RASGRP2: variants seen among roughly 807,000 people sequenced by gnomAD.
RASGRP2 encodes the protein RAS guanyl releasing protein 2.
Under a neutral mutation model 71.0 loss-of-function variants are expected in RASGRP2, and 44 were observed. That is an observed-to-expected ratio of 0.62 (90% CI 0.49 to 0.80). The LOEUF (loss-of-function observed/expected upper bound fraction) is 0.80, where lower values mean the gene tolerates loss of function less well. Among genes scored for constraint, RASGRP2 ranks in the 30% least tolerant of loss-of-function variants. RASGRP2 has a pLI of 0.00. For synonymous variants in RASGRP2, 350 were observed against 330.7 expected (o/e 1.06, Z -0.63); for missense variants, 663 against 813.4 (o/e 0.82, Z 2.25).
rs2135802976 is a variant in RASGRP2 at position 64,743,065 on chromosome 11, C to T, written c.-71-128G>A. The T allele has an allele frequency of 3.7e-6, 4 of 1,095,326 alleles. No homozygotes were observed. The highest frequency in any genetic ancestry group is 5.4e-6 in the Non-Finnish European group (4 of 747,360). The allele number at this position is 1,095,326 out of a possible 1,614,324, so 67.9% of individuals were successfully genotyped here. A position where few individuals can be genotyped will look rare whatever the true frequency, so the allele number is the denominator to read the frequency against. On this transcript the variant is annotated intron_variant, in intron 1 of 16. Coordinates refer to ENST00000394432, the MANE Select transcript of RASGRP2 (RefSeq NM_001098671.2). The surrounding 1 kb of genome is among the most constrained non-coding windows in gnomAD (Gnocchi z 4.9). ...GGCGGAGTTGTCCCCCGCGGCCACTCCCGGGGTTAAACGGTCTGGCCCGGG... is the reference window on the plus strand; with the variant it reads ...GGCGGAGTTGTCCCCCGCGGCCACTTCCGGGGTTAAACGGTCTGGCCCGGG...
rs1309748634 is a variant in RASGRP2 at position 64,735,455 on chromosome 11, G to T, written c.1296+87C>A. ...TCCTAGGGGCTGAGTGCTGGGTCTTGAACAGGACACTCGTGCTGGCTTCCA... is the reference window on the plus strand; with the variant it reads ...TCCTAGGGGCTGAGTGCTGGGTCTTTAACAGGACACTCGTGCTGGCTTCCA... On this transcript the variant is annotated intron_variant, in intron 11 of 16. Coordinates refer to ENST00000394432, the MANE Select transcript of RASGRP2 (RefSeq NM_001098671.2). The surrounding 1 kb of genome is among the most constrained non-coding windows in gnomAD (Gnocchi z 4.2). The T allele has an allele frequency of 2.5e-6, 4 of 1,603,334 alleles. No homozygotes were observed. The highest frequency in any genetic ancestry group is 1.7e-6 in the Non-Finnish European group (2 of 1,176,412).
Position 64,742,123 on chromosome 11 carries a change from A to C in RASGRP2, c.74-11T>G. On this transcript the variant is annotated splice_polypyrimidine_tract_variant and intron_variant, in intron 2 of 16. Coordinates refer to ENST00000394432, the MANE Select transcript of RASGRP2 (RefSeq NM_001098671.2). This position sits in a 1 kb window ranked among gnomAD's most constrained non-coding sequence, Gnocchi z 4.7. ...CCTTCCCGGAGTCATCTGACTCCGA[A>C]GGGTCAAAGACAGGTGGCTGAGCTG... is the stretch of plus-strand genomic sequence containing the variant. 1 of 1,570,948 alleles carries C rather than the reference A, an allele frequency of 6.4e-7. No individual in the cohort carries two copies. The highest frequency in any genetic ancestry group is 8.6e-7 in the Non-Finnish European group (1 of 1,157,180).
At chr11:64,727,186 A>G (rs2057590246) in intron 16 of RASGRP2, 55 bp from the exon 17 acceptor site, 2 of 898,154 alleles carry the variant, frequency 2.2e-6, no homozygotes, top group South Asian at 1.4e-5. Flanking sequence ...ACAAGGTAGT[A>G]GCCCACCTGG....
Position 64,742,684 on chromosome 11 carries a change from C to A in RASGRP2, c.73+110G>T. ...GTTAAAGAGACTGCACGCTGCGGAGCAGGGTGGGTCCGGGTCAGGGCTGTG... is the reference window on the plus strand; with the variant it reads ...GTTAAAGAGACTGCACGCTGCGGAGAAGGGTGGGTCCGGGTCAGGGCTGTG... On this transcript the variant is annotated intron_variant, in intron 2 of 16. Coordinates refer to ENST00000394432, the MANE Select transcript of RASGRP2 (RefSeq NM_001098671.2). The surrounding 1 kb of genome is among the most constrained non-coding windows in gnomAD (Gnocchi z 4.7). The A allele has an allele frequency of 7.1e-7, 1 of 1,414,232 alleles. No homozygotes were observed. The highest frequency in any genetic ancestry group is 1.2e-5 in the South Asian group (1 of 81,386). 87.6% of individuals were successfully genotyped at this position (1,414,232 alleles called of 1,614,324 possible).
intron 15 of RASGRP2, among the ~76,000 whole-genome samples, chr11:64,728,592 TA>T (rs1270470284): frequency 6.6e-6 from 1 of 151,820 alleles, no homozygotes; most frequent in Non-Finnish European, 1.5e-5. Flanking sequence ...CACGCCTGGC[TA>T]ATTTTTTTTT....
chr11:64,741,942 T>C (rs565095524), intron 3 of RASGRP2, 68 bp downstream of exon 3: 3 of 1,356,008 alleles, frequency 2.2e-6, no homozygotes, highest in South Asian at 1.2e-5. Flanking sequence ...ATTCTGCACC[T>C]GGGCTGGGCA....
rs905951030 is a variant in RASGRP2 at position 64,735,789 on chromosome 11, C to T, written c.1173+114G>A. On this transcript the variant is annotated intron_variant, in intron 10 of 16. Transcript: ENST00000394432. The surrounding 1 kb of genome is among the most constrained non-coding windows in gnomAD (Gnocchi z 4.2). ...ACACTACTGCCCTACCCCCAGGATG[C>T]CTCTGTCCTACAAGATGGATGGGTG... The T allele has an allele frequency of 1.4e-6, 2 of 1,474,938 alleles. No individual in the cohort carries two copies. Among genetic ancestry groups the T allele is most frequent in the Non-Finnish European group, 1.9e-6 (2 of 1,076,776 alleles). 91.4% of individuals were successfully genotyped at this position (1,474,938 alleles called of 1,614,324 possible).
rs1381389618 is a variant in RASGRP2, at chr11:64,737,033, A to G, written c.815T>C (p.Leu272Pro). The change falls in exon 9 of 17, where the codon CTC becomes CCC. Residue 272 changes from leucine (L) to proline (P), a missense_variant and splice_region_variant. Physicochemically the swap from Leu to Pro is moderately conservative, Grantham distance 98. Transcript: ENST00000394432. ...CACTAGTTCCGTGAGACCCTCCCAG[A>G]GCTGGGGACAAAGGACAGAGGAGTC... is the stretch of plus-strand genomic sequence containing the variant. ...HSHVSPETIK[L>P]WEGLTELVTA... is the part of the protein sequence containing the mutation. 6.2e-7 allele frequency: 1 copy of G among 1,613,752 alleles called. No homozygotes were observed. Among genetic ancestry groups the G allele is most frequent in the South Asian group, 1.1e-5 (1 of 91,062 alleles).
Position 64,742,163 on chromosome 11 carries a change from A to G in RASGRP2, c.74-51T>C, listed in dbSNP as rs752437156. The G allele has an allele frequency of 5.6e-5, 79 of 1,416,108 alleles. No individual in the cohort carries two copies. In the East Asian group the frequency reaches 1.9e-3, roughly 33 times the overall value. 87.7% of individuals were successfully genotyped at this position (1,416,108 alleles called of 1,614,324 possible). On this transcript the variant is annotated intron_variant, in intron 2 of 16. Coordinates refer to ENST00000394432, the MANE Select transcript of RASGRP2 (RefSeq NM_001098671.2). The surrounding 1 kb of genome is among the most constrained non-coding windows in gnomAD (Gnocchi z 4.7). ...TGGCTGAGCTGGGTCCGCAGCTACC[A>G]TGCCTCATCCTCACCCCGCAACCCG...
rs1322370201 is a variant in RASGRP2, at chr11:64,742,924, C to T, written c.-58G>A. ...TGCGCTCCGGGAGCCTCCCACCGGG[C>T]TCGGACCGAACCCCTGTCCCGGGAG... is the stretch of plus-strand genomic sequence containing the variant. On this transcript the variant is annotated 5_prime_UTR_variant, in exon 2 of 17. Coordinates refer to ENST00000394432, the MANE Select transcript of RASGRP2 (RefSeq NM_001098671.2). The surrounding 1 kb of genome is among the most constrained non-coding windows in gnomAD (Gnocchi z 4.7). The T allele has an allele frequency of 1.3e-6, 2 of 1,539,808 alleles. No homozygotes were observed. Among genetic ancestry groups the T allele is most frequent in the South Asian group, 2.4e-5 (2 of 84,348 alleles).
Position 64,742,759 on chromosome 11 carries a change from G to T in RASGRP2, c.73+35C>A. The T allele has an allele frequency of 6.3e-7, 1 of 1,583,286 alleles. No homozygotes were observed. On this transcript the variant is annotated intron_variant, in intron 2 of 16. Coordinates refer to ENST00000394432, the MANE Select transcript of RASGRP2 (RefSeq NM_001098671.2). This position sits in a 1 kb window ranked among gnomAD's most constrained non-coding sequence, Gnocchi z 4.7. The stretch of plus-strand genomic sequence containing the variant: ...GGACCCGGGCTCAGACTCGGGGCTA[G>T]GCTCAGGCTCCGTGTGCCCTCCCGA...
chr11:64,738,211 A>G (rs1360528105), intron 8 of RASGRP2, among the ~76,000 whole-genome samples: 9 of 152,220 alleles, frequency 5.9e-5, no homozygotes, highest in African/African-American at 2.2e-4. Context: ...CCATTCATAG[A>G]AAGTTCAAAA....
chr11:64,735,627 G>T lies in RASGRP2; in HGVS notation c.1211C>A (p.Pro404His), dbSNP rs139873299. The T allele has an allele frequency of 2.9e-5, 46 of 1,613,858 alleles. No homozygotes were observed. The highest frequency in any genetic ancestry group is 3.6e-5 in the Non-Finnish European group (43 of 1,179,920). The change falls in exon 11 of 17, where the codon CCC (proline) becomes CAC (histidine). Residue 404 changes from proline (P) to histidine (H), a missense_variant. Coordinates refer to ENST00000394432, the MANE Select transcript of RASGRP2 (RefSeq NM_001098671.2). This position sits in a 1 kb window ranked among gnomAD's most constrained non-coding sequence, Gnocchi z 4.2. ...CGAGGTCCACTCCTCCAGTACCGGG[G>T]GCCGGGGTGGTGGGGTGCAACTCGT... Reference protein sequence around the residue: ...SPTSCTPPPRPPVLEEWTSAA... With the variant: ...SPTSCTPPPRHPVLEEWTSAA...
chr11:64,743,551 C>A lies in RASGRP2; in HGVS notation c.-72+452G>T. On this transcript the variant is annotated intron_variant, in intron 1 of 16. Transcript: ENST00000394432. The surrounding 1 kb of genome is among the most constrained non-coding windows in gnomAD (Gnocchi z 4.9). Reference sequence around the variant, plus strand: ...TTCCTGGGGCGGGGGGAGCCCGCTGCGGCCAGGAGGCGTCAGCGGGAAGCC... The same window carrying A: ...TTCCTGGGGCGGGGGGAGCCCGCTGAGGCCAGGAGGCGTCAGCGGGAAGCC... The A allele has an allele frequency of 5.9e-6, 2 of 338,334 alleles. No homozygotes were observed. Among genetic ancestry groups the A allele is most frequent in the South Asian group, 4.3e-5 (2 of 47,042 alleles). 21.0% of individuals were successfully genotyped at this position (338,334 alleles called of 1,614,324 possible). A position where few individuals can be genotyped will look rare whatever the true frequency, so the allele number is the denominator to read the frequency against.
intron 13 of RASGRP2, 36 bp from the exon 14 acceptor site, chr11:64,729,834 T>G (rs771556930): frequency 6.2e-7 from 1 of 1,611,826 alleles, no homozygotes; most frequent in East Asian, 2.2e-5. Context: ...GGAGGAGGGA[T>G]TTAGAGGTGA....
At chr11:64,736,036 C>A in intron 9 of RASGRP2, 56 bp from the exon 10 acceptor site, 1 of 1,497,660 alleles carries the variant, frequency 6.7e-7, no homozygotes, top group South Asian at 1.1e-5. Flanking sequence ...CCACAGAGCC[C>A]AGGGCCAAAG....
chr11:64,740,777 G>T, intron 5 of RASGRP2, 171 bp downstream of exon 5: 3 of 841,806 alleles, frequency 3.6e-6, no homozygotes, highest in Admixed American at 2.0e-5. Flanking sequence ...GATGAGGCAG[G>T]AACGCCAAGC....
At position 64,735,479 on chromosome 11, in the gene RASGRP2, C is replaced by T; in HGVS notation, c.1296+63G>A. ...TGAACAGGACACTCGTGCTGGCTTC[C>T]AGGGCAGTGCTCCGGCAAACTGGCC... On this transcript the variant is annotated intron_variant, in intron 11 of 16. Transcript: ENST00000394432. This position sits in a 1 kb window ranked among gnomAD's most constrained non-coding sequence, Gnocchi z 4.2. 1.2e-6 allele frequency: 2 copies of T among 1,610,710 alleles called. No individual in the cohort carries two copies. The highest frequency in any genetic ancestry group is 1.7e-6 in the Non-Finnish European group (2 of 1,179,596).
At chr11:64,729,346 T>TG (rs1315922893) in intron 14 of RASGRP2, among the ~76,000 whole-genome samples, 12 of 149,038 alleles carry the variant, frequency 8.1e-5, no homozygotes, top group South Asian at 6.3e-4. Context: ...TTTTTGTTGT[T>TG]TTTTTTTTTG....
Sources: gnomAD v4.1 joint callset for allele counts (sites outside exome capture counted in the v4.1 genomes callset) on GRCh38, gnomAD v4.1.1 for gene constraint, Gnocchi (gnomAD v3.1) non-coding constraint, MANE v1.5 for transcripts, NCBI Gene and HGNC (gene_info 2026-07-23, HGNC 2026-07-21) for gene names.